Variants in ZNF837 observed in about 807,000 individuals in gnomAD.
ZNF837 encodes the protein zinc finger protein 837.
For missense variants in ZNF837, 955 were observed against 801.7 expected, an observed-to-expected ratio of 1.19 and a Z score of -2.31; for synonymous variants, 475 against 365.2, an observed-to-expected ratio of 1.30 and a Z score of -3.43.
rs1345460280 is a variant in ZNF837, at chr19:58,368,242, T to C, written c.1091A>G (p.Glu364Gly). ...GAAGGCCTTGGCGCAGTCGGCGCAC[T>C]CGTACGGCTTCTCCCCGGCTCCCGA... Reference protein sequence around the residue: ...RGSGAGEKPYECADCAKAFGL... With the variant: ...RGSGAGEKPYGCADCAKAFGL... Residue 364 changes from glutamate (E) to glycine (G), a missense_variant, in exon 3 of 3, where the codon GAG becomes GGG. Coordinates refer to ENST00000597582, the MANE Select transcript of ZNF837 (RefSeq NM_138466.2). 2.7e-6 allele frequency: 4 copies of C among 1,501,384 alleles called. No homozygotes were observed. The African/African-American group carries it at 5.6e-5, about 21-fold the overall frequency. 93.0% of individuals were successfully genotyped at this position (1,501,384 alleles called of 1,614,324 possible). A position where few individuals can be genotyped will look rare whatever the true frequency, so the allele number is the denominator to read the frequency against.
rs943126414 is a variant in ZNF837 at position 58,368,751 on chromosome 19, C to T, written c.582G>A (p.Val194=). 4.5e-6 allele frequency: 7 copies of T among 1,539,844 alleles called. No homozygotes were observed. The African/African-American group carries it at 8.2e-5, about 18-fold the overall frequency. ...CGCACGCGCAAGCCCGGGGCTGCTCCACCAAGGGGTTCCTCCCGCGGGAGG... is the reference window on the plus strand; with the variant it reads ...CGCACGCGCAAGCCCGGGGCTGCTCTACCAAGGGGTTCCTCCCGCGGGAGG... The part of the protein sequence containing the change: ...KPTSRGRNPL[V]EQPRACACGE... The change falls in exon 3 of 3, where the codon GTG becomes GTA. Residue 194 remains valine (V), a synonymous_variant. Transcript: ENST00000597582.
chr19:58,373,238 T>G (rs907290391), intron 1 of ZNF837, among the ~76,000 whole-genome samples: 1 of 152,216 alleles, frequency 6.6e-6, no homozygotes, highest in African/African-American at 2.4e-5. Flanking sequence ...AGAGTGGCAC[T>G]AATCAGGTCT....
Position 58,368,560 on chromosome 19 carries a change from G to A in ZNF837, c.773C>T (p.Pro258Leu), listed in dbSNP as rs151130546. 2.5e-5 allele frequency: 38 copies of A among 1,537,058 alleles called. No individual in the cohort carries two copies. The Middle Eastern group carries it at 6.7e-4, about 27-fold the overall frequency. ...VCPECGQTSR[P>L]RPIVPDPPAQ... is the part of the protein sequence containing the mutation. Reference sequence around the variant, plus strand: ...CGGGGGGTCGGGGACAATAGGGCGAGGTCGCGAGGTTTGGCCGCACTCAGG... The same window carrying A: ...CGGGGGGTCGGGGACAATAGGGCGAAGTCGCGAGGTTTGGCCGCACTCAGG... Residue 258 changes from proline to leucine, a missense_variant, in exon 3 of 3, where the codon CCT (proline) becomes CTT (leucine). Physicochemically the swap from Pro to Leu is moderately conservative, Grantham distance 98 (BLOSUM62 -3). Transcript: ENST00000597582.
chr19:58,380,785 C>T (rs2052283576), intron 1 of ZNF837, among the ~76,000 whole-genome samples, 156 bp downstream of exon 1: 1 of 152,220 alleles, frequency 6.6e-6, no homozygotes, highest in African/African-American at 2.4e-5. Flanking sequence ...CCGGTCCGGA[C>T]CCGGAGCGCG....
chr19:58,371,220 G>A (rs1292284373), intron 1 of ZNF837, among the ~76,000 whole-genome samples: 1 of 137,798 alleles, frequency 7.3e-6, no homozygotes, highest in Non-Finnish European at 1.5e-5. Context: ...CAGCCTGGGC[G>A]ACAGAACGAG....
At chr19:58,377,922 C>T (rs1025260927) in intron 1 of ZNF837, among the ~76,000 whole-genome samples, 57 of 152,374 alleles carry the variant, frequency 3.7e-4, no homozygotes, top group African/African-American at 1.3e-3. Context: ...CGGCTTCTCT[C>T]TCTCGAGTCC....
intron 1 of ZNF837, among the ~76,000 whole-genome samples, chr19:58,374,471 C>T (rs200301939): frequency 1.3e-5 from 2 of 151,980 alleles, no homozygotes; most frequent in Admixed American, 1.3e-4. Flanking sequence ...ACGATATATC[C>T]AGAATAGGCA....
intron 1 of ZNF837, among the ~76,000 whole-genome samples, chr19:58,377,424 G>T (rs918065924): frequency 3.3e-5 from 5 of 151,870 alleles, no homozygotes; most frequent in Non-Finnish European, 7.4e-5. Context: ...AGCTTGTAGT[G>T]AGCCGAGATC....
chr19:58,369,651 C>T, intron 2 of ZNF837, 168 bp downstream of exon 2: 1 of 256,902 alleles, frequency 3.9e-6, no homozygotes, highest in Non-Finnish European at 7.4e-6. Context: ...CCTCCCTGGT[C>T]CCCCTTCCCC....
At chr19:58,369,386 G>T in intron 2 of ZNF837, 25 bp from the exon 3 acceptor site, 4 of 1,320,314 alleles carry the variant, frequency 3.0e-6, no homozygotes, top group Middle Eastern at 3.9e-4. Context: ...AAGAAATGGA[G>T]GTTGGCGGTT....
In ZNF837 at chr19:58,368,608, G is replaced by GT. The variant is rs2052166595; in HGVS notation, c.724_725insA (p.Ala242AspfsTer10). The stretch of plus-strand genomic sequence containing the variant: ...AGGACACACTGGGGGACTCTTGCCC[G>GT]CCTGCTGCTGCTGGTTGGGGCGGAA... On this transcript the variant is annotated frameshift_variant, in exon 3 of 3. Coordinates refer to ENST00000597582, the MANE Select transcript of ZNF837 (RefSeq NM_138466.2). LOFTEE classifies it low-confidence loss of function (END_TRUNC). The GT allele has an allele frequency of 2.0e-6, 3 of 1,533,060 alleles. No individual in the cohort carries two copies. The highest frequency in any genetic ancestry group is 1.4e-5 in the African/African-American group (1 of 72,952). The allele number at this position is 1,533,060 out of a possible 1,614,324, so 95.0% of individuals were successfully genotyped here.
intron 1 of ZNF837, among the ~76,000 whole-genome samples, chr19:58,380,633 C>T (rs1201909401): frequency 1.3e-5 from 2 of 152,206 alleles, no homozygotes; most frequent in East Asian, 1.9e-4. Context: ...GGGCTTGACT[C>T]CGAGAGCCGC....
chr19:58,368,370 G>C lies in ZNF837; in HGVS notation c.963C>G (p.His321Gln). Residue 321 changes from histidine (H) to glutamine (Q), a missense_variant, in exon 3 of 3, where the codon CAC becomes CAG. His to Gln is a conservative substitution (Grantham distance 24). Coordinates refer to ENST00000597582, the MANE Select transcript of ZNF837 (RefSeq NM_138466.2). ...CSGLYRHQKTHSAERHRRGPV... is the reference protein window; with the variant it reads ...CSGLYRHQKTQSAERHRRGPV... ...GGCCACGCCGGTGGCGCTCGGCCGA[G>C]TGCGTCTTCTGGTGGCGGTACAGGC... 1 of 1,533,850 alleles carries C rather than the reference G, an allele frequency of 6.5e-7. No individual in the cohort carries two copies. The highest frequency in any genetic ancestry group is 1.2e-5 in the South Asian group (1 of 83,640).
In ZNF837 at chr19:58,368,660, G is replaced by A; in HGVS notation, c.673C>T (p.Arg225Cys). 2 of 1,529,414 alleles carry A rather than the reference G, an allele frequency of 1.3e-6. No homozygotes were observed. The highest frequency in any genetic ancestry group is 1.8e-6 in the Non-Finnish European group (2 of 1,142,552). The allele number at this position is 1,529,414 out of a possible 1,614,324, so 94.7% of individuals were successfully genotyped here. A position where few individuals can be genotyped will look rare whatever the true frequency, so the allele number is the denominator to read the frequency against. The change falls in exon 3 of 3, where the codon CGT (arginine) becomes TGT (cysteine). Residue 225 changes from arginine (R) to cysteine (C), a missense_variant. Arg to Cys is a radical substitution (Grantham distance 180). Coordinates refer to ENST00000597582, the MANE Select transcript of ZNF837 (RefSeq NM_138466.2). ...CGCTTCCCGCACCGGGCACACGGAC[G>A]GGGCTCCTCCGTCGCCTGCAGCCTC... ...QERLQATEEP[R>C]PCARCGKRFR... is the part of the protein sequence containing the mutation.
chr19:58,371,654 C>A (rs566565033), intron 1 of ZNF837, among the ~76,000 whole-genome samples: 68 of 152,314 alleles, frequency 4.5e-4, no homozygotes, highest in Non-Finnish European at 5.7e-4. Context: ...CACAGGAGCT[C>A]AGATTCTTCT....
chr19:58,374,168 C>T (rs776208896), intron 1 of ZNF837, among the ~76,000 whole-genome samples: 4 of 152,212 alleles, frequency 2.6e-5, no homozygotes, highest in Admixed American at 6.5e-5. Context: ...TACCACACCC[C>T]GAGTAATTCC....
At position 58,368,118 on chromosome 19, in the gene ZNF837, GT is replaced by G. The variant is rs2052155691; in HGVS notation, c.1214del (p.Asn405ThrfsTer2). Reference sequence around the variant, plus strand: ...TGTGAGTGCGCTGGTGCCGGCTCAGGTTCGAGCGCTGGTTGAAGGCCTTGCC... The same window carrying G: ...TGTGAGTGCGCTGGTGCCGGCTCAGGTCGAGCGCTGGTTGAAGGCCTTGCC... Reference protein sequence around the residue: ...ECGKAFNQRSNLSRHQRTHSS... With the variant: ...ECGKAFNQRSXLSRHQRTHSS... On this transcript the variant is annotated frameshift_variant, in exon 3 of 3. Transcript: ENST00000597582. LOFTEE classifies it low-confidence loss of function (END_TRUNC). 6.3e-7 allele frequency: 1 copy of G among 1,576,088 alleles called. No homozygotes were observed. Among genetic ancestry groups the G allele is most frequent in the Admixed American group, 1.8e-5 (1 of 54,792 alleles).
intron 1 of ZNF837, among the ~76,000 whole-genome samples, chr19:58,375,181 GGGA>G (rs1319350519): frequency 1.3e-4 from 19 of 142,832 alleles, no homozygotes; most frequent in Non-Finnish European, 2.7e-4. Flanking sequence ...GCTTGAACCT[GGGA>G]GGAGGAGGTT....
chr19:58,368,845 A>C lies in ZNF837; in HGVS notation c.488T>G (p.Val163Gly). ...TTGGCACGGCCAACAGTCCGTGTGG[A>C]CCTCACACAGTTGAGTCCGGGGGTG... The part of the protein sequence containing the change: ...QNHPRTQLCE[V>G]HTDCWPCQPG... The change falls in exon 3 of 3, where the codon GTC (valine) becomes GGC (glycine). Residue 163 changes from valine (V) to glycine (G), a missense_variant. Physicochemically the swap from Val to Gly is moderately radical, Grantham distance 109. Transcript: ENST00000597582. 2.6e-6 allele frequency: 4 copies of C among 1,547,254 alleles called. No homozygotes were observed. The highest frequency in any genetic ancestry group is 3.5e-6 in the Non-Finnish European group (4 of 1,146,644).
Sources: allele counts gnomAD v4.1 joint callset (sites outside exome capture counted in the v4.1 genomes callset), GRCh38; gene constraint gnomAD v4.1.1; transcripts MANE v1.5; gene names NCBI Gene and HGNC (gene_info 2026-07-23, HGNC 2026-07-21).